Variants in LIPA observed in about 807,000 individuals in gnomAD.
The protein encoded by LIPA is lysosomal acid lipase/cholesteryl ester hydrolase.
LIPA carries 26 observed loss-of-function variants against 40.6 expected under a neutral mutation model. The observed-to-expected ratio is 0.64, with a 90% CI of 0.47 to 0.89. The LOEUF is 0.89. Among genes scored for constraint, LIPA ranks in the 40% least tolerant of loss-of-function variants. The pLI is 0.00. For synonymous variants in LIPA, 188 were observed against 168.4 expected (o/e 1.12, Z -0.90); for missense variants, 455 against 479.6 (o/e 0.95, Z 0.48).
chr10:89,297,519 G>C (rs1843422343), intron 1 of LIPA, among the ~76,000 whole-genome samples: 1 of 152,160 alleles, frequency 6.6e-6, no homozygotes. Flanking sequence ...AGACCCAAAG[G>C]TAATACAGTG....
Position 89,392,466 on chromosome 10 carries a change from T to TCC in LIPA, c.61+20323_61+20324dup, listed in dbSNP as rs759696601. 661 of 287,402 alleles carry TCC rather than the reference T, an allele frequency of 2.3e-3. 1 individual carries two copies. The highest frequency in any genetic ancestry group is 0.014 in the African/African-American group (392 of 28,092). The allele number at this position is 287,402 out of a possible 1,614,324, so 17.8% of individuals were successfully genotyped here. A position where few individuals can be genotyped will look rare whatever the true frequency, so the allele number is the denominator to read the frequency against. ...TTTTAAAATAGAAACAAAGTTTCAT[T>TCC]CCCCACCCCCCCCCGTCAGCAGGAA... On this transcript the variant is annotated intron_variant, in intron 2 of 8. Transcript: ENST00000371837.
At chr10:89,393,403 A>C in intron 2 of LIPA, 1 of 816,802 alleles carries the variant, frequency 1.2e-6, no homozygotes, top group Non-Finnish European at 1.7e-6. Context: ...TCCTTACCTA[A>C]AGGGCCTAAT....
At chr10:89,304,479 CAT>C (rs763142445) in intron 1 of LIPA, among the ~76,000 whole-genome samples, 11 of 152,104 alleles carry the variant, frequency 7.2e-5, no homozygotes, top group Non-Finnish European at 1.6e-4. Context: ...TCTATCTAGA[CAT>C]ATGTTTCATA....
intron 2 of LIPA, among the ~76,000 whole-genome samples, chr10:89,375,973 G>T (rs1382153744): frequency 6.6e-6 from 1 of 151,960 alleles, no homozygotes; most frequent in Non-Finnish European, 1.5e-5. Context: ...CATCACCTGA[G>T]GTCAGGAGTT....
chr10:89,383,858 C>T lies in LIPA; in HGVS notation c.61+28933G>A, dbSNP rs772407661. The T allele has an allele frequency of 2.1e-5, 34 of 1,614,070 alleles. No individual in the cohort carries two copies. Among genetic ancestry groups the T allele is most frequent in the Non-Finnish European group, 2.8e-5 (33 of 1,180,048 alleles). On this transcript the variant is annotated intron_variant, in intron 2 of 8. Transcript: ENST00000371837. Reference sequence around the variant, plus strand: ...AACCCTGAATTCAATACTGGGTACGCAATCACCGTCTATCGCCTGGATAAA... The same window carrying T: ...AACCCTGAATTCAATACTGGGTACGTAATCACCGTCTATCGCCTGGATAAA...
At chr10:89,398,696 A>G (rs1844379794) in intron 2 of LIPA, among the ~76,000 whole-genome samples, 1 of 152,212 alleles carries the variant, frequency 6.6e-6, no homozygotes, top group African/African-American at 2.4e-5. Context: ...ATGTTGTAAC[A>G]TGTATCAGAA....
At chr10:89,363,004 C>T (rs1844032371) in intron 2 of LIPA, 2 of 253,350 alleles carry the variant, frequency 7.9e-6, no homozygotes, top group East Asian at 8.6e-5. Flanking sequence ...GGACAGGAAG[C>T]TGAAGGAGAA....
intron 2 of LIPA, among the ~76,000 whole-genome samples, chr10:89,378,304 A>G (rs576494791): frequency 6.6e-6 from 1 of 152,310 alleles, no homozygotes; most frequent in African/African-American, 2.4e-5. Context: ...GAAGAGTTTA[A>G]TAAGGGGGCT....
At chr10:89,230,704 A>G (rs1482813829) in intron 3 of LIPA, among the ~76,000 whole-genome samples, 1 of 152,244 alleles carries the variant, frequency 6.6e-6, no homozygotes, top group African/African-American at 2.4e-5. Context: ...TAAAATTAAT[A>G]TAATTCCCTG....
At position 89,247,655 on chromosome 10, in the gene LIPA, T is replaced by A. The variant is rs2133468192; in HGVS notation, c.-1-6A>T. 6.4e-7 allele frequency: 1 copy of A among 1,558,378 alleles called. No homozygotes were observed. Among genetic ancestry groups the A allele is most frequent in the Non-Finnish European group, 8.9e-7 (1 of 1,129,434 alleles). ...CCAAGAACCGCATTTTCATTCTGTA[T>A]AATAAAACAGTCTATTATTATTTGC... On this transcript the variant is annotated splice_region_variant and splice_polypyrimidine_tract_variant and intron_variant, in intron 1 of 9. Coordinates refer to ENST00000336233, the MANE Select transcript of LIPA (RefSeq NM_000235.4).
chr10:89,355,258 G>A (rs772868383), intron 2 of LIPA, among the ~76,000 whole-genome samples: 4 of 152,160 alleles, frequency 2.6e-5, no homozygotes, highest in Non-Finnish European at 5.9e-5. Context: ...GTTGAGTTTG[G>A]GGGACAGCCT....
chr10:89,217,086 T>C (rs1394081955), intron 8 of LIPA, among the ~76,000 whole-genome samples: 2 of 152,232 alleles, frequency 1.3e-5, no homozygotes, highest in Non-Finnish European at 2.9e-5. Context: ...CTCTACACTC[T>C]CAAATTAAAT....
chr10:89,290,529 A>G (rs10887938), intron 1 of LIPA, among the ~76,000 whole-genome samples: 46,321 of 152,114 alleles, frequency 0.3, 8,704 homozygotes, highest in East Asian at 0.65. Flanking sequence ...AGCTAAGCCA[A>G]CATATCCCCT....
chr10:89,345,364 A>G (rs1843911210), upstream of LIPA, among the ~76,000 whole-genome samples: 1 of 151,994 alleles, frequency 6.6e-6, no homozygotes, highest in Non-Finnish European at 1.5e-5. Context: ...ACCCATCTCC[A>G]CTAAAAATAC....
chr10:89,222,322 T>C (rs547629550), intron 8 of LIPA, among the ~76,000 whole-genome samples, 189 bp downstream of exon 8: 51 of 152,286 alleles, frequency 3.3e-4, no homozygotes, highest in African/African-American at 1.2e-3. Context: ...AACCCACGTA[T>C]AACACAGTGT....
rs1034715595 is a variant in LIPA, at chr10:89,393,039, G to A, written c.61+19752C>T. 1.0e-5 allele frequency: 9 copies of A among 875,228 alleles called. No individual in the cohort carries two copies. The South Asian group carries it at 1.3e-4, about 13-fold the overall frequency. The allele number at this position is 875,228 out of a possible 1,614,324, so 54.2% of individuals were successfully genotyped here. On this transcript the variant is annotated intron_variant, in intron 2 of 8. Transcript: ENST00000371837. ...CAATCTGAGAGATTCTTTCCCATCAGATTCACTTCTGTCTGATATGGGGAA... is the reference window on the plus strand; with the variant it reads ...CAATCTGAGAGATTCTTTCCCATCAAATTCACTTCTGTCTGATATGGGGAA...
chr10:89,332,779 T>C, intron 1 of LIPA: 1 of 857,986 alleles, frequency 1.2e-6, no homozygotes, highest in South Asian at 1.6e-5. Context: ...TTTATTTCTG[T>C]AGCTCTTTGT....
chr10:89,332,523 C>G, intron 1 of LIPA: 4 of 1,610,770 alleles, frequency 2.5e-6, no homozygotes, highest in Non-Finnish European at 3.4e-6. Context: ...CCTAACAGCA[C>G]CCTGGGTGGA....
chr10:89,376,513 A>G lies in LIPA; in HGVS notation c.61+36278T>C, dbSNP rs560430207. On this transcript the variant is annotated intron_variant, in intron 2 of 8. Transcript: ENST00000371837. Reference sequence around the variant, plus strand: ...GGTCAGGAGCAGTAACTGGAGCAGTAACTCAGAAGTTCCCTGAAAAGAAAG... The same window carrying G: ...GGTCAGGAGCAGTAACTGGAGCAGTGACTCAGAAGTTCCCTGAAAAGAAAG... 6.6e-5 allele frequency among the ~76,000 whole-genome samples: 10 copies of G among 152,326 alleles called. No individual in the cohort carries two copies. The South Asian group carries it at 2.1e-3, about 32-fold the overall frequency.
Sources: gnomAD v4.1 joint callset for allele counts (sites outside exome capture counted in the v4.1 genomes callset) on GRCh38, gnomAD v4.1.1 for gene constraint, MANE v1.5 for transcripts, NCBI Gene and HGNC (gene_info 2026-07-23, HGNC 2026-07-21) for gene names.